Variants in MAP3K20 observed in about 807,000 individuals in gnomAD.
MAP3K20 encodes the protein HCCS-4.
A neutral mutation model predicts 85.7 loss-of-function variants in MAP3K20; 40 were observed. The observed-to-expected ratio is 0.47, with a 90% confidence interval of 0.36 to 0.61. MAP3K20 has a LOEUF of 0.61. Among genes scored for constraint, MAP3K20 ranks in the 20% least tolerant of loss-of-function variants. The pLI is 0.00. For synonymous variants in MAP3K20, 325 were observed against 327.7 expected, an observed-to-expected ratio of 0.99 and a Z score of 0.09; for missense variants, 817 against 961.7, an observed-to-expected ratio of 0.85 and a Z score of 1.99.
intron 10 of MAP3K20, among the ~76,000 whole-genome samples, chr2:173,214,767 A>C (rs1684019322): frequency 6.6e-6 from 1 of 152,234 alleles, no homozygotes. Context: ...AATTTTCATC[A>C]ACTAAGACAT....
At chr2:173,240,389 A>T (rs1684753828) in intron 16 of MAP3K20, among the ~76,000 whole-genome samples, 1 of 152,180 alleles carries the variant, frequency 6.6e-6, no homozygotes, top group African/African-American at 2.4e-5. Context: ...TTCCTCAGTG[A>T]AACCATGCTT....
chr2:173,201,444 G>T (rs1448229418), intron 8 of MAP3K20, among the ~76,000 whole-genome samples: 2 of 152,126 alleles, frequency 1.3e-5, no homozygotes, highest in Non-Finnish European at 2.9e-5. Flanking sequence ...TTACATATGT[G>T]TTTGTTCTAA....
chr2:173,179,391 C>A (rs367905530), intron 3 of MAP3K20, among the ~76,000 whole-genome samples: 324 of 129,376 alleles, frequency 2.5e-3, no homozygotes, highest in Middle Eastern at 4.0e-3. Context: ...GACTCCATCT[C>A]AAAAAAAAAA....
chr2:173,084,136 T>G (rs1229003058), intron 1 of MAP3K20, among the ~76,000 whole-genome samples: 1 of 152,194 alleles, frequency 6.6e-6, no homozygotes, highest in Non-Finnish European at 1.5e-5. Flanking sequence ...TTGCCCCAGC[T>G]GAGCTCAAGT....
At chr2:173,130,248 C>A (rs1035479383) in intron 2 of MAP3K20, among the ~76,000 whole-genome samples, 1 of 152,020 alleles carries the variant, frequency 6.6e-6, no homozygotes, top group Non-Finnish European at 1.5e-5. Context: ...TATTTTCATT[C>A]AATGAAAATT....
At chr2:173,112,441 T>G (rs1418698995) in intron 2 of MAP3K20, among the ~76,000 whole-genome samples, 2 of 152,220 alleles carry the variant, frequency 1.3e-5, no homozygotes, top group African/African-American at 4.8e-5. Flanking sequence ...CTTACAGCAC[T>G]ATTTTGAAGA....
At chr2:173,081,366 C>T (rs989923527) in intron 1 of MAP3K20, among the ~76,000 whole-genome samples, 2 of 152,062 alleles carry the variant, frequency 1.3e-5, no homozygotes, top group African/African-American at 4.8e-5. Flanking sequence ...TGCTGTAGGA[C>T]AGCTGTTTAT....
intron 11 of MAP3K20, 76 bp downstream of exon 11, chr2:173,217,326 T>C: frequency 7.4e-7 from 1 of 1,344,552 alleles, no homozygotes; most frequent in Non-Finnish European, 9.6e-7. Flanking sequence ...GCATGGCACC[T>C]CTTCCCCTGC....
At chr2:173,264,046 C>T in intron 19 of MAP3K20, 151 bp downstream of exon 19, 4 of 1,063,842 alleles carry the variant, frequency 3.8e-6, no homozygotes, top group Non-Finnish European at 5.2e-6. Flanking sequence ...TTGCAACTGG[C>T]TTACTCCAAT....
At chr2:173,118,660 G>A (rs188170136) in intron 2 of MAP3K20, among the ~76,000 whole-genome samples, 17 of 152,312 alleles carry the variant, frequency 1.1e-4, no homozygotes, top group Non-Finnish European at 1.9e-4. Context: ...ATTTGGCAAG[G>A]AGATTTCCTG....
chr2:173,163,959 T>A (rs1251014770), intron 2 of MAP3K20, among the ~76,000 whole-genome samples: 2 of 151,970 alleles, frequency 1.3e-5, no homozygotes, highest in African/African-American at 2.4e-5. Context: ...TGTTATTTCT[T>A]GACTTTTTTT....
intron 1 of MAP3K20, among the ~76,000 whole-genome samples, chr2:173,088,999 T>A (rs1479011466): frequency 2.0e-5 from 3 of 152,200 alleles, no homozygotes; most frequent in African/African-American, 7.2e-5. Flanking sequence ...AGAGCAGCGT[T>A]TGACTTCATG....
In MAP3K20 at chr2:173,150,904, C is replaced by A. The variant is rs184077469; in HGVS notation, c.160-18901C>A. On this transcript the variant is annotated intron_variant, in intron 2 of 19. Transcript: ENST00000375213. ...TGTAGGTACAATTTCTAGCAGCTAA[C>A]ATTTATTGAGGAAAACCATGCGCCT... Among the ~76,000 whole-genome samples the A allele has an allele frequency of 1.2e-4, 19 of 152,312 alleles. 1 individual carries two copies. The East Asian group carries it at 3.1e-3, about 25-fold the overall frequency.
chr2:173,241,992 C>A (rs759506065), intron 16 of MAP3K20, among the ~76,000 whole-genome samples: 1 of 152,094 alleles, frequency 6.6e-6, no homozygotes, highest in Non-Finnish European at 1.5e-5. Flanking sequence ...CTGTGGCCAC[C>A]CCTAAGTTCA....
chr2:173,139,196 G>C (rs76567554), intron 2 of MAP3K20, among the ~76,000 whole-genome samples: 7 of 152,188 alleles, frequency 4.6e-5, no homozygotes, highest in Non-Finnish European at 1.0e-4. Flanking sequence ...TTAATCTGAG[G>C]TTTTTCTGGC....
intron 2 of MAP3K20, among the ~76,000 whole-genome samples, chr2:173,110,216 TATATATATATATATA>T (rs1687909740): frequency 1.4e-4 from 1 of 7,304 alleles, no homozygotes; most frequent in African/African-American, 4.1e-4. Flanking sequence ...TATATATATA[TATATATATATATATA>T]TATATATATA....
At chr2:173,226,171 T>TA in intron 11 of MAP3K20, 2 of 944,216 alleles carry the variant, frequency 2.1e-6, no homozygotes, top group East Asian at 1.3e-4. Context: ...TGATCCCCAT[T>TA]AAAAATCAAG....
chr2:173,223,416 C>T (rs1684304833), intron 11 of MAP3K20: 1 of 970,716 alleles, frequency 1.0e-6, no homozygotes, highest in East Asian at 1.1e-4. Flanking sequence ...TAACACAGCA[C>T]CAGGCCCACG....
intron 2 of MAP3K20, among the ~76,000 whole-genome samples, chr2:173,118,555 G>A (rs1464251634): frequency 6.6e-6 from 1 of 152,108 alleles, no homozygotes; most frequent in Non-Finnish European, 1.5e-5. Context: ...AGATACACAA[G>A]CACACCCACA....
Sources: gnomAD v4.1 joint callset for allele counts (sites outside exome capture counted in the v4.1 genomes callset) on GRCh38, gnomAD v4.1.1 for gene constraint, MANE v1.5 for transcripts, NCBI Gene and HGNC (gene_info 2026-07-23, HGNC 2026-07-21) for gene names.